HELQ: variants seen among roughly 807,000 people sequenced by gnomAD.
The protein encoded by HELQ is helicase, POLQ like, also known as helicase POLQ-like.
Under a neutral mutation model 111.6 loss-of-function variants are expected in HELQ, and 77 were observed. The ratio of observed to expected loss-of-function variants is 0.69; its 90% CI spans 0.57 to 0.83. The LOEUF is 0.83. Among genes scored for constraint, HELQ ranks in the 40% least tolerant of loss-of-function variants. The probability of loss-of-function intolerance (pLI) is 0.00; values close to 1 mark genes in which losing one functional copy is unlikely to be tolerated. For missense variants in HELQ, 1,200 were observed against 1,288.5 expected (o/e 0.93, Z 1.05); for synonymous variants, 438 against 454.7 (o/e 0.96, Z 0.47).
At chr4:83,415,386 G>A (rs182760450) in intron 17 of HELQ, among the ~76,000 whole-genome samples, 5 of 152,282 alleles carry the variant, frequency 3.3e-5, no homozygotes, top group African/African-American at 1.2e-4. Context: ...GTACTCTGAT[G>A]CAATGGTAGA....
At chr4:83,426,561 T>A (rs113354192) in intron 13 of HELQ, among the ~76,000 whole-genome samples, 187 of 140,998 alleles carry the variant, frequency 1.3e-3, no homozygotes, top group African/African-American at 4.5e-3. Context: ...TACGTTTTTG[T>A]TTCTGTTTTT....
chr4:83,421,096 C>A (rs1739657945), intron 15 of HELQ, among the ~76,000 whole-genome samples: 1 of 152,118 alleles, frequency 6.6e-6, no homozygotes, highest in African/African-American at 2.4e-5. Flanking sequence ...CAGGCGGGAG[C>A]CATGGCATCC....
At chr4:83,433,840 A>G (rs532216701) in intron 9 of HELQ, among the ~76,000 whole-genome samples, 55 of 149,642 alleles carry the variant, frequency 3.7e-4, no homozygotes, top group African/African-American at 1.3e-3. Context: ...AAACTAAAAA[A>G]CATTGTGTTG....
intron 9 of HELQ, among the ~76,000 whole-genome samples, chr4:83,433,402 TC>T (rs1207795501): frequency 6.6e-6 from 1 of 152,124 alleles, no homozygotes; most frequent in Non-Finnish European, 1.5e-5. Flanking sequence ...GCGTGGTGGC[TC>T]ACGCCTGTAA....
In HELQ at chr4:83,421,089, G is replaced by A. The variant is rs1054169284; in HGVS notation, c.2949+474C>T. Reference sequence around the variant, plus strand: ...GCCTCCCAAAGTGCTAGGATTACAGGCGGGAGCCATGGCATCCAGTCAAAA... The same window carrying A: ...GCCTCCCAAAGTGCTAGGATTACAGACGGGAGCCATGGCATCCAGTCAAAA... On this transcript the variant is annotated intron_variant, in intron 15 of 17. Coordinates refer to ENST00000295488, the MANE Select transcript of HELQ (RefSeq NM_133636.5). 7.2e-5 allele frequency among the ~76,000 whole-genome samples: 11 copies of A among 152,296 alleles called. No homozygotes were observed. In the Middle Eastern group the frequency reaches 0.01, roughly 141 times the overall value.
At chr4:83,432,578 C>T (rs1720215121) in intron 9 of HELQ, among the ~76,000 whole-genome samples, 1 of 152,128 alleles carries the variant, frequency 6.6e-6, no homozygotes, top group African/African-American at 2.4e-5. Context: ...CTCAAGTCTG[C>T]CCAGCTGCAA....
intron 17 of HELQ, among the ~76,000 whole-genome samples, chr4:83,410,192 T>C (rs2109958069): frequency 6.6e-6 from 1 of 152,264 alleles, no homozygotes; most frequent in East Asian, 1.9e-4. Flanking sequence ...AAGGCTGCAG[T>C]GAGCTATGAT....
intron 14 of HELQ, among the ~76,000 whole-genome samples, chr4:83,424,394 T>C (rs1490999029): frequency 6.6e-6 from 1 of 152,186 alleles, no homozygotes; most frequent in African/African-American, 2.4e-5. Flanking sequence ...AATCTAAAAA[T>C]TGTGATAACA....
At chr4:83,414,733 G>C (rs925410321) in intron 17 of HELQ, among the ~76,000 whole-genome samples, 7 of 152,132 alleles carry the variant, frequency 4.6e-5, no homozygotes, top group African/African-American at 1.7e-4. Flanking sequence ...AATAAATCCA[G>C]AAGGGATAAT....
In HELQ at chr4:83,421,659, C is replaced by T; in HGVS notation, c.2853G>A (p.Trp951Ter). ...LYTLLKETNI[W>*]TVSEKFNMPR... ...GCATATTAAATTTTTCAGATACAGT[C>T]CAAATGTTGGTCTCTTTGAGCAAGG... is the stretch of plus-strand genomic sequence containing the variant. Residue 951 changes from tryptophan to a stop codon, truncating the protein, a stop_gained, in exon 15 of 18, where the codon TGG becomes TGA. Coordinates refer to ENST00000295488, the MANE Select transcript of HELQ (RefSeq NM_133636.5). LOFTEE classifies it high-confidence loss of function. 6.2e-7 allele frequency: 1 copy of T among 1,613,372 alleles called. No individual in the cohort carries two copies. The highest frequency in any genetic ancestry group is 8.5e-7 in the Non-Finnish European group (1 of 1,179,494).
At chr4:83,446,197 T>G (rs2110007771) in intron 4 of HELQ, 111 bp from the exon 5 acceptor site, 1 of 730,256 alleles carries the variant, frequency 1.4e-6, no homozygotes, top group East Asian at 2.6e-5. Flanking sequence ...TTATAACTTT[T>G]AAGTATTTTG....
chr4:83,444,101 A>C (rs959488013), intron 5 of HELQ, among the ~76,000 whole-genome samples: 6 of 152,220 alleles, frequency 3.9e-5, no homozygotes, highest in Non-Finnish European at 7.3e-5. Context: ...TTGAAGAATG[A>C]AATTTTTCAG....
At chr4:83,415,353 A>G (rs1739304643) in intron 17 of HELQ, among the ~76,000 whole-genome samples, 1 of 152,224 alleles carries the variant, frequency 6.6e-6, no homozygotes, top group African/African-American at 2.4e-5. Context: ...TACAAACAAA[A>G]AAAGAGTCCA....
Position 83,441,375 on chromosome 4 carries a change from T to C in HELQ, c.1592A>G (p.Asn531Ser). The C allele has an allele frequency of 6.3e-7, 1 of 1,575,516 alleles. No homozygotes were observed. The highest frequency in any genetic ancestry group is 8.7e-7 in the Non-Finnish European group (1 of 1,150,500). The change falls in exon 7 of 18, where the codon AAT (asparagine) becomes AGT (serine). Residue 531 changes from asparagine (N) to serine (S), a missense_variant. This residue lies in a region of HELQ where 585 missense variants were observed against 665.3 expected (regional missense o/e 0.88). Transcript: ENST00000295488. ...PVELKEYLKI[N>S]DTIYEVDSKA... is the part of the protein sequence containing the mutation. Reference sequence around the variant, plus strand: ...GCTGTCAACTTCATATATTGTATCATTTATTTTCAGATATTCTTTTAACTC... The same window carrying C: ...GCTGTCAACTTCATATATTGTATCACTTATTTTCAGATATTCTTTTAACTC...
chr4:83,410,407 A>C (rs1209619915), intron 17 of HELQ, among the ~76,000 whole-genome samples: 1 of 152,238 alleles, frequency 6.6e-6, no homozygotes, highest in Non-Finnish European at 1.5e-5. Flanking sequence ...ATATACTCTC[A>C]GACTGAAGAC....
intron 11 of HELQ, among the ~76,000 whole-genome samples, chr4:83,430,933 C>T (rs1255897965): frequency 6.6e-6 from 1 of 152,098 alleles, no homozygotes; most frequent in East Asian, 1.9e-4. Flanking sequence ...TATCTACCAT[C>T]ATGTTATCTT....
chr4:83,443,631 C>A lies in HELQ; in HGVS notation c.1466-17G>T, dbSNP rs1215708730. On this transcript the variant is annotated splice_polypyrimidine_tract_variant and intron_variant, in intron 5 of 17. Transcript: ENST00000295488. ...GAGTCGTTTCTAAAACACAAACAAA[C>A]AAAAGCCAAAGTGTTAAGGAAAATA... is the stretch of plus-strand genomic sequence containing the variant. 1 of 1,158,842 alleles carries A rather than the reference C, an allele frequency of 8.6e-7. No homozygotes were observed. The highest frequency in any genetic ancestry group is 2.4e-5 in the East Asian group (1 of 42,198). The allele number at this position is 1,158,842 out of a possible 1,614,324, so 71.8% of individuals were successfully genotyped here.
At chr4:83,433,503 TAA>T (rs1346516474) in intron 9 of HELQ, among the ~76,000 whole-genome samples, 1 of 151,432 alleles carries the variant, frequency 6.6e-6, no homozygotes, top group African/African-American at 2.4e-5. Context: ...CCGTCTCTAC[TAA>T]AAATAAAAAA....
chr4:83,407,470 A>G lies in HELQ; in HGVS notation c.3289T>C (p.Ser1097Pro). ...PSDFPGAVASSTDKA is the reference protein window; with the variant it reads ...PSDFPGAVASPTDKA ...AGATAGCTTCATGCTTTGTCAGTGGAAGAAGCCACAGCACCAGGGAAATCA... is the reference window on the plus strand; with the variant it reads ...AGATAGCTTCATGCTTTGTCAGTGGGAGAAGCCACAGCACCAGGGAAATCA... The change falls in exon 18 of 18, where the codon TCC (serine) becomes CCC (proline). Residue 1097 changes from serine (S) to proline (P), a missense_variant. Ser to Pro is a moderately conservative substitution (Grantham distance 74). This residue lies in a region of HELQ where 585 missense variants were observed against 665.3 expected (regional missense o/e 0.88). Coordinates refer to ENST00000295488, the MANE Select transcript of HELQ (RefSeq NM_133636.5). The G allele has an allele frequency of 6.2e-7, 1 of 1,604,410 alleles. No individual in the cohort carries two copies. The highest frequency in any genetic ancestry group is 8.5e-7 in the Non-Finnish European group (1 of 1,175,846).
Sources: gnomAD v4.1 joint callset for allele counts (sites outside exome capture counted in the v4.1 genomes callset) on GRCh38, gnomAD v4.1.1 for gene constraint, gnomAD v4.1.1 regional missense constraint, MANE v1.5 for transcripts, NCBI Gene and HGNC (gene_info 2026-07-23, HGNC 2026-07-21) for gene names.